SPATA6: variants seen among roughly 807,000 people sequenced by gnomAD.
The protein encoded by SPATA6 is spermatogenesis associated 6, also known as spermatogenesis-associated protein 6.
In SPATA6, 56 loss-of-function variants were observed where a neutral mutation model predicts 65.3. The observed-to-expected ratio is 0.86, with a 90% CI of 0.69 to 1.07. SPATA6 has a LOEUF of 1.07. SPATA6 is among the 50% of genes least tolerant of loss of function. SPATA6 has a pLI of 0.00. For missense variants in SPATA6, 590 were observed against 594.8 expected (o/e 0.99, Z 0.08); for synonymous variants, 199 against 213.2 (o/e 0.93, Z 0.58).
intron 11 of SPATA6, among the ~76,000 whole-genome samples, chr1:48,353,509 A>G (rs1035310610): frequency 1.3e-5 from 2 of 151,824 alleles, no homozygotes; most frequent in African/African-American, 2.4e-5. Context: ...GAATTGAAAA[A>G]TATATACCAT....
intron 11 of SPATA6, among the ~76,000 whole-genome samples, chr1:48,308,132 T>C (rs948037517): frequency 6.6e-6 from 1 of 151,906 alleles, no homozygotes; most frequent in African/African-American, 2.4e-5. Context: ...ACATTTGCCA[T>C]TTTGCTATTT....
At chr1:48,347,147 C>T (rs1396842620) in intron 11 of SPATA6, among the ~76,000 whole-genome samples, 1 of 151,610 alleles carries the variant, frequency 6.6e-6, no homozygotes, top group African/African-American at 2.4e-5. Context: ...AACAGAGAAC[C>T]CAGAAATAAG....
intron 11 of SPATA6, among the ~76,000 whole-genome samples, chr1:48,316,789 A>T (rs530884220): frequency 1.3e-5 from 2 of 152,242 alleles, no homozygotes; most frequent in South Asian, 2.1e-4. Context: ...CTAATCTGAC[A>T]AAGGGCTAAT....
At chr1:48,371,191 T>TA (rs968751085) in intron 9 of SPATA6, among the ~76,000 whole-genome samples, 6 of 151,838 alleles carry the variant, frequency 4.0e-5, no homozygotes, top group Non-Finnish European at 8.8e-5. Flanking sequence ...CAATTCACCA[T>TA]AAAAAAAATT....
At chr1:48,440,454 G>A (rs1270537368) in intron 3 of SPATA6, among the ~76,000 whole-genome samples, 3 of 152,202 alleles carry the variant, frequency 2.0e-5, no homozygotes, top group Non-Finnish European at 4.4e-5. Flanking sequence ...TCTTAGTCAA[G>A]TAAATGACAG....
intron 3 of SPATA6, among the ~76,000 whole-genome samples, chr1:48,441,261 A>C (rs1390963519): frequency 2.6e-5 from 4 of 152,212 alleles, no homozygotes; most frequent in Admixed American, 6.5e-5. Flanking sequence ...ATTGAGGGCC[A>C]GGAAATTGAC....
At position 48,466,131 on chromosome 1, in the gene SPATA6, T is replaced by A. The variant is rs529435888; in HGVS notation, c.51+5827A>T. On this transcript the variant is annotated intron_variant, in intron 1 of 12. Coordinates refer to ENST00000371847, the MANE Select transcript of SPATA6 (RefSeq NM_019073.4). ...CTGAGAACAACAGACACAATGATACTAGGAAATATGTGCAAATATATTCAT... is the reference window on the plus strand; with the variant it reads ...CTGAGAACAACAGACACAATGATACAAGGAAATATGTGCAAATATATTCAT... Among the ~76,000 whole-genome samples the A allele has an allele frequency of 3.9e-5, 6 of 152,196 alleles. No individual in the cohort carries two copies. In the South Asian group the frequency reaches 1.2e-3, roughly 32 times the overall value.
chr1:48,373,667 G>C lies in SPATA6; in HGVS notation c.909+11642C>G, dbSNP rs573714548. On this transcript the variant is annotated intron_variant, in intron 9 of 12. Transcript: ENST00000371847. ...CAAGACTGGGAAGAAAAGGAAGTTT[G>C]ACTTACAGTTCCACATGGCTGGAGA... Among the ~76,000 whole-genome samples, 3 of 152,294 alleles carry C rather than the reference G, an allele frequency of 2.0e-5. No homozygotes were observed. The East Asian group carries it at 5.8e-4, about 29-fold the overall frequency.
intron 11 of SPATA6, among the ~76,000 whole-genome samples, chr1:48,324,630 A>T (rs1474916952): frequency 6.6e-6 from 1 of 152,196 alleles, no homozygotes; most frequent in Non-Finnish European, 1.5e-5. Context: ...AAAGTATGTT[A>T]TAAAATTCAA....
chr1:48,388,389 T>C (rs953122265), intron 8 of SPATA6, among the ~76,000 whole-genome samples: 2 of 151,964 alleles, frequency 1.3e-5, no homozygotes, highest in Non-Finnish European at 2.9e-5. Context: ...ACAACTGATA[T>C]AACAGATGTT....
chr1:48,319,264 T>C (rs1645530008), intron 11 of SPATA6, among the ~76,000 whole-genome samples: 1 of 152,158 alleles, frequency 6.6e-6, no homozygotes, highest in Non-Finnish European at 1.5e-5. Context: ...AAAGTTGGAT[T>C]TCATCAAAAT....
intron 11 of SPATA6, among the ~76,000 whole-genome samples, chr1:48,324,487 T>G (rs966114252): frequency 6.6e-6 from 1 of 152,152 alleles, no homozygotes; most frequent in Non-Finnish European, 1.5e-5. Context: ...TTAGAAAGAT[T>G]ATTTATCATG....
intron 3 of SPATA6, among the ~76,000 whole-genome samples, chr1:48,431,127 A>G (rs1483077734): frequency 1.3e-5 from 2 of 152,140 alleles, no homozygotes; most frequent in African/African-American, 4.8e-5. Flanking sequence ...GGTTATACTA[A>G]TATCAGACAA....
intron 1 of SPATA6, among the ~76,000 whole-genome samples, chr1:48,456,973 A>C (rs1657051181): frequency 6.6e-6 from 1 of 152,314 alleles, no homozygotes; most frequent in African/African-American, 2.4e-5. Flanking sequence ...AAAACCAATA[A>C]AAGAATCCAA....
At chr1:48,436,835 A>G in intron 3 of SPATA6, 1 of 1,612,812 alleles carries the variant, frequency 6.2e-7, no homozygotes, top group South Asian at 1.1e-5. Flanking sequence ...AGCCCATTGG[A>G]TATCAGTATT....
At chr1:48,381,648 C>CTTTTGT (rs1553160390) in intron 9 of SPATA6, among the ~76,000 whole-genome samples, 1 of 112,362 alleles carries the variant, frequency 8.9e-6, no homozygotes, top group East Asian at 2.9e-4. Flanking sequence ...TATGGTTTTT[C>CTTTTGT]TTTTTTTTTT....
In SPATA6 at chr1:48,360,232, G is replaced by A. The variant is rs1455341755; in HGVS notation, c.910-462C>T. Among the ~76,000 whole-genome samples the A allele has an allele frequency of 2.6e-5, 4 of 151,970 alleles. 1 individual carries two copies. The highest frequency in any genetic ancestry group is 1.3e-4 in the Admixed American group (2 of 15,224). On this transcript the variant is annotated intron_variant, in intron 9 of 12. Coordinates refer to ENST00000371847, the MANE Select transcript of SPATA6 (RefSeq NM_019073.4). The stretch of plus-strand genomic sequence containing the variant: ...CAAATGAATAAATTCCTGCTCCTGT[G>A]GAACATATATTCTGGTAAAATATAT...
chr1:48,300,140 C>G (rs957163607), intron 12 of SPATA6, among the ~76,000 whole-genome samples: 18 of 152,144 alleles, frequency 1.2e-4, no homozygotes, highest in Admixed American at 1.0e-3. Context: ...GAAAAGGTAA[C>G]TCTTTCTTAA....
chr1:48,394,544 C>T (rs1356131089), intron 8 of SPATA6, among the ~76,000 whole-genome samples: 2 of 151,998 alleles, frequency 1.3e-5, no homozygotes, highest in Admixed American at 1.3e-4. Context: ...CAAGCAAAAA[C>T]TCTGCACCTT....
Sources: allele counts gnomAD v4.1 joint callset (sites outside exome capture counted in the v4.1 genomes callset), GRCh38; gene constraint gnomAD v4.1.1; transcripts MANE v1.5; gene names NCBI Gene and HGNC (gene_info 2026-07-23, HGNC 2026-07-21).